Variants in GALNT1 observed in about 807,000 individuals in gnomAD.
GALNT1 encodes the protein GalNAc transferase 1.
A neutral mutation model predicts 65.7 loss-of-function variants in GALNT1; 17 were observed. The observed-to-expected ratio is 0.26, with a 90% confidence interval of 0.18 to 0.39. The LOEUF (loss-of-function observed/expected upper bound fraction) is 0.39. Ranked by LOEUF, GALNT1 falls within the 10% of genes least tolerant of loss-of-function variation. The pLI, the probability that GALNT1 is intolerant of heterozygous loss-of-function variation, is 1.00. For synonymous variants in GALNT1, 210 were observed against 219.7 expected, an observed-to-expected ratio of 0.96 and a Z score of 0.39; for missense variants, 460 against 672.8, an observed-to-expected ratio of 0.68 and a Z score of 3.50.
intron 1 of GALNT1, among the ~76,000 whole-genome samples, chr18:35,582,573 A>T (rs369583146): frequency 6.6e-6 from 1 of 152,212 alleles, no homozygotes; most frequent in African/African-American, 2.4e-5. Context: ...CAACCCGTCT[A>T]CCAAACTCAC....
intron 1 of GALNT1, among the ~76,000 whole-genome samples, chr18:35,600,596 TC>T (rs1237104796): frequency 6.6e-6 from 1 of 152,192 alleles, no homozygotes; most frequent in Non-Finnish European, 1.5e-5. Flanking sequence ...CTTGTCTTGT[TC>T]CAGATCTTAG....
chr18:35,604,422 CT>C (rs2046621816), intron 1 of GALNT1, among the ~76,000 whole-genome samples: 1 of 151,822 alleles, frequency 6.6e-6, no homozygotes, highest in Admixed American at 6.6e-5. Flanking sequence ...ATTTATATTC[CT>C]TTGAATACAT....
Position 35,689,743 on chromosome 18 carries a change from G to A in GALNT1, c.978+453G>A, listed in dbSNP as rs572667154. On this transcript the variant is annotated intron_variant, in intron 7 of 11. Coordinates refer to ENST00000269195, the MANE Select transcript of GALNT1 (RefSeq NM_020474.4). ...GCTTTATATTTTTCAATAAAAATGC[G>A]AAAGAATTCTAAAATGACTCTAAAT... is the stretch of plus-strand genomic sequence containing the variant. Among the ~76,000 whole-genome samples the A allele has an allele frequency of 1.2e-4, 19 of 152,152 alleles. 1 individual carries two copies. In the South Asian group the frequency reaches 1.9e-3, roughly 15 times the overall value.
chr18:35,669,289 A>G (rs182110501), intron 3 of GALNT1, among the ~76,000 whole-genome samples: 14 of 152,354 alleles, frequency 9.2e-5, no homozygotes, highest in Admixed American at 3.9e-4. Flanking sequence ...TTAGACATAA[A>G]CACAGACTTC....
At chr18:35,616,895 C>A (rs569718678) in intron 1 of GALNT1, among the ~76,000 whole-genome samples, 104 of 152,212 alleles carry the variant, frequency 6.8e-4, no homozygotes, top group African/African-American at 2.3e-3. Flanking sequence ...GAAGATAAAA[C>A]CCACTTGAAA....
chr18:35,677,326 T>C (rs1236298354), intron 3 of GALNT1, among the ~76,000 whole-genome samples: 1 of 152,176 alleles, frequency 6.6e-6, no homozygotes, highest in African/African-American at 2.4e-5. Context: ...TTAAAATGAA[T>C]CACCTGAAAA....
chr18:35,680,319 C>G (rs187475420), intron 4 of GALNT1, among the ~76,000 whole-genome samples: 19 of 152,262 alleles, frequency 1.2e-4, no homozygotes, highest in Admixed American at 3.3e-4. Flanking sequence ...TTTAGAGAGG[C>G]CTTTCTTGAC....
intron 1 of GALNT1, among the ~76,000 whole-genome samples, chr18:35,632,537 A>G (rs1490607644): frequency 6.6e-6 from 1 of 152,238 alleles, no homozygotes; most frequent in Non-Finnish European, 1.5e-5. Flanking sequence ...TATACCTTAT[A>G]CAAAACTTAA....
chr18:35,704,665 A>G (rs1341985407), intron 11 of GALNT1, among the ~76,000 whole-genome samples: 1 of 147,022 alleles, frequency 6.8e-6, no homozygotes, highest in African/African-American at 2.5e-5. Flanking sequence ...TTTTTTTGAG[A>G]TGGAGTCTCG....
chr18:35,678,771 A>G (rs982828062), intron 4 of GALNT1, among the ~76,000 whole-genome samples: 3 of 152,176 alleles, frequency 2.0e-5, no homozygotes, highest in African/African-American at 7.2e-5. Flanking sequence ...CTCCCATTGC[A>G]TCTGCTATGA....
At chr18:35,701,409 C>T (rs1241115308) in intron 9 of GALNT1, among the ~76,000 whole-genome samples, 1 of 152,106 alleles carries the variant, frequency 6.6e-6, no homozygotes, top group Admixed American at 6.5e-5. Context: ...TAGCCATCAT[C>T]GTCTGGTATT....
At chr18:35,650,786 T>C (rs1340558377) in intron 1 of GALNT1, among the ~76,000 whole-genome samples, 2 of 152,176 alleles carry the variant, frequency 1.3e-5, no homozygotes, top group Non-Finnish European at 1.5e-5. Flanking sequence ...TACTCTGTTC[T>C]TTTTTCAAGG....
At chr18:35,601,205 C>A (rs1364122508) in intron 1 of GALNT1, among the ~76,000 whole-genome samples, 1 of 151,920 alleles carries the variant, frequency 6.6e-6, no homozygotes, top group African/African-American at 2.4e-5. Flanking sequence ...TTATCCCTTT[C>A]TTCTAGGTTT....
intron 4 of GALNT1, among the ~76,000 whole-genome samples, chr18:35,680,668 G>T (rs551219888): frequency 6.6e-6 from 1 of 152,286 alleles, no homozygotes; most frequent in South Asian, 2.1e-4. Flanking sequence ...AAGTTAACCT[G>T]CTGAGTAACT....
At chr18:35,619,519 T>C (rs1314408274) in intron 1 of GALNT1, among the ~76,000 whole-genome samples, 1 of 152,134 alleles carries the variant, frequency 6.6e-6, no homozygotes. Flanking sequence ...CACTGAGCTC[T>C]GGGGAATGCA....
intron 2 of GALNT1, among the ~76,000 whole-genome samples, chr18:35,659,262 G>A (rs2047442486): frequency 6.6e-6 from 1 of 152,178 alleles, no homozygotes; most frequent in South Asian, 2.1e-4. Context: ...TTGTGATAAT[G>A]CTGAAGACTT....
chr18:35,694,978 G>T (rs769269856), intron 9 of GALNT1, among the ~76,000 whole-genome samples: 1 of 152,146 alleles, frequency 6.6e-6, no homozygotes, highest in Non-Finnish European at 1.5e-5. Flanking sequence ...CAAACTCATA[G>T]AAACAGAAAG....
At chr18:35,653,759 T>G (rs2047340323) in intron 1 of GALNT1, among the ~76,000 whole-genome samples, 2 of 152,170 alleles carry the variant, frequency 1.3e-5, no homozygotes, top group South Asian at 4.1e-4. Flanking sequence ...ATTCCTCTAG[T>G]CATTTTCTCA....
chr18:35,631,192 A>T (rs1206680007), intron 1 of GALNT1, among the ~76,000 whole-genome samples: 5 of 152,248 alleles, frequency 3.3e-5, no homozygotes, highest in Non-Finnish European at 7.3e-5. Context: ...AATCCTCCCT[A>T]ACTCATTTTA....
Sources: gnomAD v4.1 joint callset for allele counts (sites outside exome capture counted in the v4.1 genomes callset) on GRCh38, gnomAD v4.1.1 for gene constraint, MANE v1.5 for transcripts, NCBI Gene and HGNC (gene_info 2026-07-23, HGNC 2026-07-21) for gene names.